Variants in BACH1 observed in about 807,000 individuals in gnomAD.
BACH1 encodes BTB domain and CNC homolog 1, also known as transcription regulator protein BACH1.
A neutral mutation model predicts 52.9 loss-of-function variants in BACH1; 35 were observed. The ratio of observed to expected loss-of-function variants is 0.66; its 90% CI spans 0.51 to 0.88. The LOEUF is 0.88. Among genes scored for constraint, BACH1 ranks in the 40% least tolerant of loss-of-function variants. BACH1 has a pLI of 0.00. For synonymous variants in BACH1, 321 were observed against 319.6 expected, an observed-to-expected ratio of 1.00 and a Z score of -0.05; for missense variants, 808 against 872.6, an observed-to-expected ratio of 0.93 and a Z score of 0.93.
At chr21:29,356,112 G>A (rs368825332) in intron 2 of BACH1, among the ~76,000 whole-genome samples, 1 of 152,302 alleles carries the variant, frequency 6.6e-6, no homozygotes, top group African/African-American at 2.4e-5. Flanking sequence ...ATAATGAAGT[G>A]GATATACTGG....
intron 2 of BACH1, among the ~76,000 whole-genome samples, chr21:29,323,646 C>T (rs1438558653): frequency 2.6e-5 from 4 of 152,294 alleles, no homozygotes; most frequent in East Asian, 1.9e-4. Context: ...TCTCTAGCAA[C>T]GCCCTCACTG....
intron 1 of BACH1, chr21:29,305,274 C>G (rs1372525715): frequency 1.3e-5 from 2 of 151,344 alleles, no homozygotes; most frequent in African/African-American, 4.9e-5. Flanking sequence ...CCTTCAGTTT[C>G]AGTTGTCATC....
Position 29,344,657 on chromosome 21 carries a change from T to C in BACH1, c.*1824T>C, listed in dbSNP as rs2089150512. On this transcript the variant is annotated 3_prime_UTR_variant, in exon 5 of 5. Coordinates refer to ENST00000286800, the MANE Select transcript of BACH1 (RefSeq NM_001186.4). ...ATTTGTGTGTGTGTGTGTGTGTGTG[T>C]GTGTGTGTGTGTATGTGTATGTATA... 1 of 152,154 alleles carries C rather than the reference T, an allele frequency of 6.6e-6. No homozygotes were observed. 9.4% of individuals were successfully genotyped at this position (152,154 alleles called of 1,614,324 possible). A position where few individuals can be genotyped will look rare whatever the true frequency, so the allele number is the denominator to read the frequency against.
At chr21:29,303,516 G>C (rs1337895681) in intron 1 of BACH1, among the ~76,000 whole-genome samples, 1 of 152,100 alleles carries the variant, frequency 6.6e-6, no homozygotes, top group African/African-American at 2.4e-5. Flanking sequence ...CATCGTGTGT[G>C]GTACCTTGTA....
downstream of BACH1, among the ~76,000 whole-genome samples, chr21:29,350,119 G>A (rs407463): frequency 0.53 from 79,761 of 151,830 alleles, 21,395 homozygotes; most frequent in South Asian, 0.63. Context: ...CTCTTACCCA[G>A]ACCAACGTCA....
chr21:29,357,482 C>T (rs150921328), intron 2 of BACH1, among the ~76,000 whole-genome samples: 2 of 152,282 alleles, frequency 1.3e-5, no homozygotes, highest in Non-Finnish European at 2.9e-5. Flanking sequence ...CAATGAGTAG[C>T]GCCTGGTATC....
chr21:29,354,311 GT>G (rs11338238), intron 2 of BACH1, among the ~76,000 whole-genome samples: 72,229 of 151,938 alleles, frequency 0.48, 17,675 homozygotes, highest in Middle Eastern at 0.54. Flanking sequence ...ATATGATAAA[GT>G]TTGACATTTA....
At chr21:29,330,517 G>A (rs895519694) in intron 4 of BACH1, among the ~76,000 whole-genome samples, 6 of 152,102 alleles carry the variant, frequency 3.9e-5, no homozygotes, top group Admixed American at 6.5e-5. Context: ...CAAATTAACT[G>A]AAAATTGATT....
Position 29,327,216 on chromosome 21 carries a change from A to C in BACH1, c.1392A>C (p.Ile464=). The C allele has an allele frequency of 6.2e-7, 1 of 1,614,174 alleles. No individual in the cohort carries two copies. The highest frequency in any genetic ancestry group is 1.1e-5 in the South Asian group (1 of 91,080). Residue 464 remains isoleucine, a synonymous_variant, in exon 3 of 5, where the codon ATA becomes ATC. Coordinates refer to ENST00000286800, the MANE Select transcript of BACH1 (RefSeq NM_001186.4). ...TTLSSVNCPF[I]STLSTEGCSS... ...TAAGTTCTGTCAACTGCCCTTTTATAAGTACTCTGAGTACTGAAGGCTGTT... is the reference window on the plus strand; with the variant it reads ...TAAGTTCTGTCAACTGCCCTTTTATCAGTACTCTGAGTACTGAAGGCTGTT...
intron 2 of BACH1, among the ~76,000 whole-genome samples, chr21:29,353,596 C>T (rs2089216190): frequency 6.6e-6 from 1 of 152,142 alleles, no homozygotes; most frequent in African/African-American, 2.4e-5. Flanking sequence ...CACCTCCAGC[C>T]TACAGAGGTG....
At chr21:29,299,945 C>T (rs2088584495) in intron 1 of BACH1, among the ~76,000 whole-genome samples, 1 of 152,144 alleles carries the variant, frequency 6.6e-6, no homozygotes, top group Non-Finnish European at 1.5e-5. Context: ...ACACCCTTTA[C>T]ATCAGAGGGT....
intron 1 of BACH1, among the ~76,000 whole-genome samples, chr21:29,319,891 C>T (rs2088829302): frequency 6.6e-6 from 1 of 151,696 alleles, no homozygotes; most frequent in Non-Finnish European, 1.5e-5. Context: ...GATGGTTTTC[C>T]CTGTTATTCT....
chr21:29,303,282 A>G (rs745822437), intron 1 of BACH1, among the ~76,000 whole-genome samples: 3 of 152,256 alleles, frequency 2.0e-5, no homozygotes, highest in Admixed American at 6.5e-5. Flanking sequence ...CCTGTTAGTA[A>G]TTCAGAAAGG....
intron 4 of BACH1, among the ~76,000 whole-genome samples, chr21:29,342,022 A>G (rs1169010641): frequency 1.3e-5 from 2 of 152,152 alleles, no homozygotes; most frequent in Non-Finnish European, 2.9e-5. Context: ...TTGACCGAAA[A>G]ACTGCCCCAA....
chr21:29,323,783 G>T (rs1455481751), intron 2 of BACH1, among the ~76,000 whole-genome samples: 10 of 152,174 alleles, frequency 6.6e-5, no homozygotes. Flanking sequence ...ACTTTGTCCA[G>T]TGTCCGCCAT....
intron 3 of BACH1, among the ~76,000 whole-genome samples, chr21:29,328,298 T>A (rs1428908422): frequency 6.6e-6 from 1 of 152,248 alleles, no homozygotes; most frequent in African/African-American, 2.4e-5. Flanking sequence ...TTGTATATTC[T>A]GTTTGTATTT....
Position 29,344,887 on chromosome 21 carries a change from A to C in BACH1, c.*2054A>C, listed in dbSNP as rs1188994823. The C allele has an allele frequency of 6.6e-6, 1 of 152,594 alleles. No individual in the cohort carries two copies. Among genetic ancestry groups the C allele is most frequent in the Non-Finnish European group, 1.5e-5 (1 of 68,016 alleles). 9.5% of individuals were successfully genotyped at this position (152,594 alleles called of 1,614,324 possible). On this transcript the variant is annotated 3_prime_UTR_variant, in exon 5 of 5. Transcript: ENST00000286800. ...CAAATGTCAAATAATCTTTTGCTTT[A>C]ATTGCTACTGTACTTGCTTTGAAAG...
chr21:29,303,632 C>T (rs1030645671), intron 1 of BACH1, among the ~76,000 whole-genome samples: 2 of 152,180 alleles, frequency 1.3e-5, no homozygotes. Flanking sequence ...AATTCTAGTT[C>T]ATCTCCTAAG....
intron 1 of BACH1, among the ~76,000 whole-genome samples, chr21:29,314,152 G>T (rs2088760090): frequency 6.6e-6 from 1 of 152,144 alleles, no homozygotes; most frequent in Admixed American, 6.5e-5. Context: ...GCAAATAAAA[G>T]ACTTCATTGT....
Sources: allele counts gnomAD v4.1 joint callset (sites outside exome capture counted in the v4.1 genomes callset), GRCh38; gene constraint gnomAD v4.1.1; transcripts MANE v1.5; gene names NCBI Gene and HGNC (gene_info 2026-07-23, HGNC 2026-07-21).